Variants in DENND4A observed in about 807,000 individuals in gnomAD.
The protein encoded by DENND4A is C-myc promoter-binding protein.
In DENND4A, 70 loss-of-function variants were observed where a neutral mutation model predicts 199.3. The observed-to-expected ratio is 0.35, with a 90% CI of 0.29 to 0.43. DENND4A has a LOEUF of 0.43. Among genes scored for constraint, DENND4A ranks in the 20% least tolerant of loss-of-function variants. The pLI, the probability that DENND4A is intolerant of heterozygous loss-of-function variation, is 1.00. For missense variants in DENND4A, 1,723 were observed against 2,255.8 expected, an observed-to-expected ratio of 0.76 and a Z score of 4.78; for synonymous variants, 686 against 766.9, an observed-to-expected ratio of 0.89 and a Z score of 1.74.
chr15:65,697,247 T>G lies in DENND4A; in HGVS notation c.2950+20A>C. The stretch of plus-strand genomic sequence containing the variant: ...TATAAGTTCTCAATTTTATACAATA[T>G]CAACTTAAACAATACCTACAGGAAC... On this transcript the variant is annotated intron_variant, in intron 21 of 32. Transcript: ENST00000443035. 7.2e-7 allele frequency: 1 copy of G among 1,396,018 alleles called. No individual in the cohort carries two copies. The highest frequency in any genetic ancestry group is 9.9e-7 in the Non-Finnish European group (1 of 1,005,702). 86.5% of individuals were successfully genotyped at this position (1,396,018 alleles called of 1,614,324 possible). A position where few individuals can be genotyped will look rare whatever the true frequency, so the allele number is the denominator to read the frequency against.
intron 3 of DENND4A, among the ~76,000 whole-genome samples, chr15:65,755,204 A>T (rs1217255090): frequency 6.6e-6 from 1 of 152,262 alleles, no homozygotes; most frequent in Non-Finnish European, 1.5e-5. Flanking sequence ...GCAAATCCAT[A>T]AAGACAGAAA....
chr15:65,715,275 T>C (rs1212170937), intron 14 of DENND4A: 13 of 441,520 alleles, frequency 2.9e-5, no homozygotes, highest in Admixed American at 4.5e-5. Flanking sequence ...TACAATTACC[T>C]TGTAGTAAAA....
intron 23 of DENND4A, chr15:65,680,569 A>G (rs2076538254): frequency 6.6e-6 from 1 of 152,216 alleles, no homozygotes; most frequent in Admixed American, 6.5e-5. Flanking sequence ...ATAAAAAAGA[A>G]TGATTTTACA....
chr15:65,685,926 T>C (rs922970550), intron 23 of DENND4A, among the ~76,000 whole-genome samples: 2 of 152,244 alleles, frequency 1.3e-5, no homozygotes, highest in Non-Finnish European at 2.9e-5. Context: ...TTGATAGCTG[T>C]AGCTTTGTAG....
chr15:65,699,274 G>A (rs16948950), intron 20 of DENND4A, among the ~76,000 whole-genome samples: 5,813 of 152,072 alleles, frequency 0.038, 382 homozygotes, highest in African/African-American at 0.13. Context: ...AGAGATAGGG[G>A]CCTTCATATT....
chr15:65,716,433 C>G (rs1481277723), intron 13 of DENND4A, among the ~76,000 whole-genome samples: 1 of 127,764 alleles, frequency 7.8e-6, no homozygotes, highest in Non-Finnish European at 1.6e-5. Context: ...GTGTGATGTT[C>G]CCCTTCCTGT....
intron 4 of DENND4A, among the ~76,000 whole-genome samples, chr15:65,750,055 ATAAT>A (rs1357273086): frequency 6.6e-6 from 1 of 152,216 alleles, no homozygotes; most frequent in Non-Finnish European, 1.5e-5. Flanking sequence ...AGTTGTTAAA[ATAAT>A]TAAGTAGAAA....
chr15:65,775,571 G>T (rs528906261), intron 1 of DENND4A, among the ~76,000 whole-genome samples: 1 of 140,196 alleles, frequency 7.1e-6, no homozygotes, highest in South Asian at 2.3e-4. Flanking sequence ...AACCTGGGAG[G>T]TGAAGGTTGC....
intron 2 of DENND4A, among the ~76,000 whole-genome samples, chr15:65,757,070 G>T (rs572608184): frequency 6.6e-6 from 1 of 151,908 alleles, no homozygotes; most frequent in African/African-American, 2.4e-5. Flanking sequence ...ATGCACAGTC[G>T]TTCAGTAAAC....
At chr15:65,679,180 C>T (rs981974371) in intron 23 of DENND4A, among the ~76,000 whole-genome samples, 3 of 152,090 alleles carry the variant, frequency 2.0e-5, no homozygotes, top group Admixed American at 6.6e-5. Flanking sequence ...CTGCAACCTC[C>T]GCCCTCCACT....
chr15:65,661,692 C>T lies in DENND4A; in HGVS notation c.*159G>A, dbSNP rs188110208. 3.5e-4 allele frequency: 189 copies of T among 547,214 alleles called. 3 individuals carry two copies. The Admixed American group carries it at 3.7e-3, about 11-fold the overall frequency. 33.9% of individuals were successfully genotyped at this position (547,214 alleles called of 1,614,324 possible). A position where few individuals can be genotyped will look rare whatever the true frequency, so the allele number is the denominator to read the frequency against. On this transcript the variant is annotated 3_prime_UTR_variant, in exon 33 of 33. Transcript: ENST00000443035. ...GGCTTTCTCCCCACTTGTCACTATT[C>T]TCTTCTTCAAACATTCTGTACATAA... is the stretch of plus-strand genomic sequence containing the variant.
intron 2 of DENND4A, among the ~76,000 whole-genome samples, chr15:65,759,154 T>C (rs2076787439): frequency 6.6e-6 from 1 of 152,182 alleles, no homozygotes; most frequent in African/African-American, 2.4e-5. Context: ...ATCACTCAAA[T>C]ATACTCTAAG....
chr15:65,765,059 G>T (rs951004223), intron 1 of DENND4A, among the ~76,000 whole-genome samples: 20 of 151,126 alleles, frequency 1.3e-4, no homozygotes, highest in African/African-American at 4.6e-4. Flanking sequence ...CCATTCTGAT[G>T]AATGAACTTC....
At chr15:65,699,271 G>T (rs947450487) in intron 20 of DENND4A, among the ~76,000 whole-genome samples, 1 of 152,070 alleles carries the variant, frequency 6.6e-6, no homozygotes, top group Non-Finnish European at 1.5e-5. Flanking sequence ...TGCAGAGATA[G>T]GGGCCTTCAT....
chr15:65,729,651 C>T lies in DENND4A; in HGVS notation c.1194G>A (p.Gln398=). 1.3e-6 allele frequency: 2 copies of T among 1,556,360 alleles called. No individual in the cohort carries two copies. Among genetic ancestry groups the T allele is most frequent in the East Asian group, 2.4e-5 (1 of 41,668 alleles). Residue 398 remains glutamine (Q), a synonymous_variant, in exon 10 of 33, where the codon CAG becomes CAA. Transcript: ENST00000443035. ...TCACAGCATTTTCAGGGCCTAAATT[C>T]TGCAGTAGTGTTGAAAACTTGCCAC... ...LSGGKFSTLL[Q]NLGPENAVTL...
chr15:65,690,933 T>A lies in DENND4A; in HGVS notation c.3661A>T (p.Thr1221Ser). Residue 1221 changes from threonine to serine, a missense_variant, in exon 23 of 33, where the codon ACT (threonine) becomes TCT (serine). Physicochemically the swap from Thr to Ser is moderately conservative, Grantham distance 58. Transcript: ENST00000443035. ...TCTTCTTCTTTTTGCTGCTGTTCAG[T>A]CTCAGCAACCAAAAGAGAGAGGGGA... Reference protein sequence around the residue: ...FDPLSLLVAETEQQQKEEEEE... With the variant: ...FDPLSLLVAESEQQQKEEEEE... The A allele has an allele frequency of 6.2e-7, 1 of 1,604,180 alleles. No individual in the cohort carries two copies. Among genetic ancestry groups the A allele is most frequent in the African/African-American group, 1.3e-5 (1 of 74,976 alleles).
intron 13 of DENND4A, among the ~76,000 whole-genome samples, chr15:65,715,864 A>G (rs531239992): frequency 6.6e-6 from 1 of 152,274 alleles, no homozygotes; most frequent in East Asian, 1.9e-4. Context: ...TCACCATCTT[A>G]AAGATTATAA....
chr15:65,719,838 T>C (rs934412049), intron 12 of DENND4A, among the ~76,000 whole-genome samples: 1 of 151,938 alleles, frequency 6.6e-6, no homozygotes, highest in African/African-American at 2.4e-5. Flanking sequence ...GTGGCTGCCA[T>C]AAACCGTGAT....
intron 2 of DENND4A, among the ~76,000 whole-genome samples, chr15:65,758,564 A>G (rs529273392): frequency 6.6e-6 from 1 of 152,194 alleles, no homozygotes; most frequent in African/African-American, 2.4e-5. Flanking sequence ...CTCCCGCCTC[A>G]GCCTCCCAAA....
Sources: allele counts gnomAD v4.1 joint callset (sites outside exome capture counted in the v4.1 genomes callset), GRCh38; gene constraint gnomAD v4.1.1; transcripts MANE v1.5; gene names NCBI Gene and HGNC (gene_info 2026-07-23, HGNC 2026-07-21).